VRK2: variants seen among roughly 807,000 people sequenced by gnomAD.
The protein encoded by VRK2 is VRK serine/threonine kinase 2.
In VRK2, 60 loss-of-function variants were observed where a neutral mutation model predicts 57.6. The ratio of observed to expected loss-of-function variants is 1.04; its 90% CI spans 0.85 to 1.29. VRK2 has a LOEUF of 1.29. VRK2 is among the 50% of genes most tolerant of loss of function. The pLI is 0.00. For synonymous variants in VRK2, 231 were observed against 199.2 expected (o/e 1.16, Z -1.35); for missense variants, 705 against 588.1 (o/e 1.20, Z -2.06).
chr2:58,009,446 C>G (rs926613330), intron 1 of VRK2, among the ~76,000 whole-genome samples: 13 of 151,026 alleles, frequency 8.6e-5, no homozygotes, highest in Non-Finnish European at 1.5e-4. Context: ...AGGGAAGCCA[C>G]CAGTGCAATC....
intron 2 of VRK2, among the ~76,000 whole-genome samples, chr2:58,067,844 A>C (rs180794867): frequency 6.6e-6 from 1 of 151,964 alleles, no homozygotes; most frequent in Non-Finnish European, 1.5e-5. Flanking sequence ...CTTTATTCCT[A>C]ATATTCCAAA....
chr2:57,966,697 A>T (rs1671927979), intron 1 of VRK2, among the ~76,000 whole-genome samples: 1 of 152,150 alleles, frequency 6.6e-6, no homozygotes, highest in South Asian at 2.1e-4. Flanking sequence ...TGGAAACTTA[A>T]AGTAAAAACA....
Position 58,159,527 on chromosome 2 carries a change from C to G in VRK2, c.1361C>G (p.Thr454Ser). The change falls in exon 13 of 13, where the codon ACT (threonine) becomes AGT (serine). Residue 454 changes from threonine to serine, a missense_variant. Physicochemically the swap from Thr to Ser is moderately conservative, Grantham distance 58. Transcript: ENST00000340157. ...KSRSPSWYKY[T>S]STVSTGITDL... ...AGATCTCCATCTTGGTATAAATACA[C>G]TTCCACAGTCAGCACGGGGATCACA... The G allele has an allele frequency of 6.2e-7, 1 of 1,613,796 alleles. No individual in the cohort carries two copies. Among genetic ancestry groups the G allele is most frequent in the South Asian group, 1.1e-5 (1 of 91,068 alleles).
chr2:58,066,488 A>G (rs1314036324), intron 2 of VRK2, among the ~76,000 whole-genome samples: 2 of 152,028 alleles, frequency 1.3e-5, no homozygotes, highest in East Asian at 3.8e-4. Context: ...GAATCTTTCC[A>G]TCTTTGTTAA....
chr2:58,004,975 A>G (rs972743917), intron 1 of VRK2, among the ~76,000 whole-genome samples: 3 of 152,144 alleles, frequency 2.0e-5, no homozygotes. Flanking sequence ...TCATTATTCT[A>G]CTTCCAGGGA....
At chr2:57,936,714 C>A (rs924503889) in intron 1 of VRK2, among the ~76,000 whole-genome samples, 1 of 151,878 alleles carries the variant, frequency 6.6e-6, no homozygotes, top group Non-Finnish European at 1.5e-5. Context: ...TATTGTACCT[C>A]TTCCTTATCC....
intron 7 of VRK2, among the ~76,000 whole-genome samples, chr2:58,091,274 G>GA (rs1243106211): frequency 6.6e-6 from 1 of 152,112 alleles, no homozygotes; most frequent in Non-Finnish European, 1.5e-5. Flanking sequence ...CTCTAGTGAG[G>GA]GATGTTGATA....
In VRK2 at chr2:58,002,049, C is replaced by T. The variant is rs186073866; in HGVS notation, c.-438-23616C>T. The stretch of plus-strand genomic sequence containing the variant: ...TGAATTCCTACCGTATTTCACAAAC[C>T]TAGAACATGGTAGCAACTCAATAAA... On this transcript the variant is annotated intron_variant, in intron 1 of 15. Transcript: ENST00000417641. 3.4e-4 allele frequency among the ~76,000 whole-genome samples: 51 copies of T among 152,090 alleles called. No homozygotes were observed. The South Asian group carries it at 9.8e-3, about 29-fold the overall frequency.
At chr2:57,949,815 G>T (rs1671371038) in intron 1 of VRK2, among the ~76,000 whole-genome samples, 1 of 152,126 alleles carries the variant, frequency 6.6e-6, no homozygotes, top group African/African-American at 2.4e-5. Flanking sequence ...TGAATGCAAA[G>T]GAAAAGTTCT....
intron 1 of VRK2, among the ~76,000 whole-genome samples, chr2:58,014,173 A>C (rs1673503061): frequency 6.6e-6 from 1 of 151,826 alleles, no homozygotes; most frequent in Non-Finnish European, 1.5e-5. Flanking sequence ...TGGTGCACCA[A>C]CTCGGGAATA....
chr2:58,018,880 A>C (rs1673664535), intron 1 of VRK2, among the ~76,000 whole-genome samples: 1 of 152,148 alleles, frequency 6.6e-6, no homozygotes, highest in Non-Finnish European at 1.5e-5. Context: ...GGACCTCAGC[A>C]CTTCCCGGTT....
At chr2:57,983,263 A>G (rs1387092389) in intron 1 of VRK2, among the ~76,000 whole-genome samples, 1 of 152,032 alleles carries the variant, frequency 6.6e-6, no homozygotes, top group Non-Finnish European at 1.5e-5. Flanking sequence ...AAAGCCAACA[A>G]TACTGCATTT....
intron 1 of VRK2, among the ~76,000 whole-genome samples, chr2:57,965,158 G>A (rs1671877087): frequency 6.6e-6 from 1 of 152,106 alleles, no homozygotes; most frequent in African/African-American, 2.4e-5. Context: ...CTTGAAAACT[G>A]ATCATCATCA....
At chr2:58,036,542 G>A (rs1674279754) in intron 3 of VRK2, among the ~76,000 whole-genome samples, 1 of 151,914 alleles carries the variant, frequency 6.6e-6, no homozygotes, top group Non-Finnish European at 1.5e-5. Context: ...ATAACCCAAT[G>A]TAATCAGTAT....
chr2:58,106,155 T>A lies in VRK2; in HGVS notation c.543+16432T>A, dbSNP rs534152748. On this transcript the variant is annotated intron_variant, in intron 7 of 12. Coordinates refer to ENST00000340157, the MANE Select transcript of VRK2 (RefSeq NM_006296.7). Reference sequence around the variant, plus strand: ...TTGTGTGTCTTGATTAGATTGGAAATTGAGAGTATCATAGGTTTTTTCTTA... The same window carrying A: ...TTGTGTGTCTTGATTAGATTGGAAAATGAGAGTATCATAGGTTTTTTCTTA... 6.6e-5 allele frequency among the ~76,000 whole-genome samples: 10 copies of A among 152,024 alleles called. No homozygotes were observed. In the South Asian group the frequency reaches 1.7e-3, roughly 25 times the overall value.
chr2:58,147,560 T>A (rs1160386763), intron 12 of VRK2, among the ~76,000 whole-genome samples: 2 of 151,864 alleles, frequency 1.3e-5, no homozygotes, highest in African/African-American at 4.8e-5. Flanking sequence ...AGGGAAGCAC[T>A]GCGAAAATAC....
At chr2:58,001,362 T>G (rs1673083585) in intron 1 of VRK2, among the ~76,000 whole-genome samples, 1 of 152,224 alleles carries the variant, frequency 6.6e-6, no homozygotes, top group African/African-American at 2.4e-5. Flanking sequence ...TTATTTTGTT[T>G]GGATTCATGC....
At chr2:58,108,886 A>C (rs907578129) in intron 7 of VRK2, among the ~76,000 whole-genome samples, 1 of 152,286 alleles carries the variant, frequency 6.6e-6, no homozygotes, top group East Asian at 1.9e-4. Flanking sequence ...ACTAGAATTT[A>C]TTTGTTTTAC....
chr2:58,120,735 A>G (rs928371986), intron 7 of VRK2, among the ~76,000 whole-genome samples: 31 of 152,222 alleles, frequency 2.0e-4, no homozygotes, highest in Admixed American at 2.6e-4. Flanking sequence ...CAAGTTTTCT[A>G]TCAGCCACCT....
Sources: allele counts gnomAD v4.1 joint callset (sites outside exome capture counted in the v4.1 genomes callset), GRCh38; gene constraint gnomAD v4.1.1; transcripts MANE v1.5; gene names NCBI Gene and HGNC (gene_info 2026-07-23, HGNC 2026-07-21).